DCDC1: variants seen among roughly 807,000 people sequenced by gnomAD.
DCDC1 encodes doublecortin domain containing 1, also known as doublecortin domain-containing protein 1.
Under a neutral mutation model 178.3 loss-of-function variants are expected in DCDC1, and 200 were observed. The observed-to-expected ratio is 1.12, with a 90% confidence interval of 1.00 to 1.26. The LOEUF (loss-of-function observed/expected upper bound fraction) is 1.26. DCDC1 is among the 50% of genes most tolerant of loss of function. The pLI is 0.00. For missense variants in DCDC1, 1,983 were observed against 1,749.2 expected (o/e 1.13, Z -2.38); for synonymous variants, 690 against 604.8 (o/e 1.14, Z -2.07).
chr11:30,900,396 T>C lies in DCDC1; in HGVS notation c.4613A>G (p.Asn1538Ser). The C allele has an allele frequency of 6.3e-7, 1 of 1,579,852 alleles. No individual in the cohort carries two copies. Among genetic ancestry groups the C allele is most frequent in the Non-Finnish European group, 8.6e-7 (1 of 1,162,270 alleles). ...DKSLLTLILRNPIAIWVSCGE... is the reference protein window; with the variant it reads ...DKSLLTLILRSPIAIWVSCGE... The stretch of plus-strand genomic sequence containing the variant: ...ACAAGACACCCAGATGGCAATAGGA[T>C]TTCTGAGGATGAGGGTAAGCAAAGA... The change falls in exon 33 of 39, where the codon AAT becomes AGT. Residue 1538 changes from asparagine (N) to serine (S), a missense_variant. By Grantham distance (46) the Asn-to-Ser change is conservative. Coordinates refer to ENST00000684477, the MANE Select transcript of DCDC1 (RefSeq NM_001387274.1).
At chr11:31,099,950 C>T (rs1321100091) in intron 15 of DCDC1, among the ~76,000 whole-genome samples, 1 of 152,048 alleles carries the variant, frequency 6.6e-6, no homozygotes, top group Non-Finnish European at 1.5e-5. Flanking sequence ...ATCTCCTGAC[C>T]TCCTGATCCG....
intron 13 of DCDC1, among the ~76,000 whole-genome samples, chr11:31,104,823 A>G (rs1029317936): frequency 6.6e-6 from 1 of 152,220 alleles, no homozygotes; most frequent in Non-Finnish European, 1.5e-5. Flanking sequence ...CAAATGTGGC[A>G]AACTCTTTAA....
rs564897740 is a variant in DCDC1 at position 31,366,368 on chromosome 11, T to C, written c.-125+3329A>G. On this transcript the variant is annotated intron_variant, in intron 1 of 38. Transcript: ENST00000684477. ...CAGAGAATGAGGCAAGATAGCTGGT[T>C]CTTAGTTTCTCTGGAGAGGTGTTCT... Among the ~76,000 whole-genome samples, 7 of 152,342 alleles carry C rather than the reference T, an allele frequency of 4.6e-5. No individual in the cohort carries two copies. The East Asian group carries it at 1.3e-3, about 29-fold the overall frequency.
chr11:31,096,655 C>G (rs944030963), intron 15 of DCDC1, among the ~76,000 whole-genome samples: 6 of 151,312 alleles, frequency 4.0e-5, no homozygotes, highest in Non-Finnish European at 8.8e-5. Flanking sequence ...CTACATAGAA[C>G]AGACACAGCA....
chr11:31,083,755 T>C (rs558380789), intron 17 of DCDC1, among the ~76,000 whole-genome samples: 3 of 152,342 alleles, frequency 2.0e-5, no homozygotes, highest in African/African-American at 7.2e-5. Flanking sequence ...ACAAAATCCA[T>C]GGGTTAACAG....
Position 31,037,428 on chromosome 11 carries a change from C to CTTTTTTTTTTTTTTTTT in DCDC1, c.2591+27040_2591+27041insAAAAAAAAAAAAAAAAA, listed in dbSNP as rs869310230. 4.5e-5 allele frequency among the ~76,000 whole-genome samples: 2 copies of CTTTTTTTTTTTTTTTTT among 44,876 alleles called. 1 individual carries two copies. 29.4% of individuals were successfully genotyped at this position (44,876 alleles called of 152,430 possible). On this transcript the variant is annotated intron_variant, in intron 20 of 38. Transcript: ENST00000684477. ...AAAATTGGCCTGCCTCTAAATATTT[C>CTTTTTTTTTTTTTTTTT]TTTCTTTTTTTTTTTTTTTTTTGAG...
At position 31,094,439 on chromosome 11, in the gene DCDC1, A is replaced by G. The variant is rs188744399; in HGVS notation, c.1984-255T>C. On this transcript the variant is annotated intron_variant, in intron 15 of 38. Coordinates refer to ENST00000684477, the MANE Select transcript of DCDC1 (RefSeq NM_001387274.1). ...TTCCTGACCCAAAGAAACATACAAC[A>G]GAGTAGAGGCAACTTCTCTCTCTCT... 2.0e-3 allele frequency among the ~76,000 whole-genome samples: 303 copies of G among 152,304 alleles called. 1 individual carries two copies. The highest frequency in any genetic ancestry group is 7.0e-3 in the African/African-American group (291 of 41,568).
chr11:31,365,636 G>A (rs1951920852), intron 1 of DCDC1, among the ~76,000 whole-genome samples: 1 of 152,048 alleles, frequency 6.6e-6, no homozygotes, highest in Admixed American at 6.6e-5. Context: ...TTTACGGGCA[G>A]GCGTGTACCA....
intron 20 of DCDC1, among the ~76,000 whole-genome samples, chr11:31,054,436 T>C (rs1309800486): frequency 6.6e-6 from 1 of 152,114 alleles, no homozygotes; most frequent in Non-Finnish European, 1.5e-5. Context: ...ACAAATTCAA[T>C]GCAATTCCCA....
intron 10 of DCDC1, 62 bp from the exon 11 acceptor site, chr11:31,127,701 G>T: frequency 3.0e-6 from 2 of 668,614 alleles, no homozygotes; most frequent in South Asian, 3.3e-5. Context: ...ACACCTATTA[G>T]ATTTTTGAGT....
intron 17 of DCDC1, among the ~76,000 whole-genome samples, chr11:31,087,947 C>A (rs289083): frequency 0.034 from 5,193 of 152,062 alleles, 283 homozygotes; most frequent in African/African-American, 0.12. Flanking sequence ...TTAGATGTTT[C>A]TCTTTTTCCT....
intron 7 of DCDC1, chr11:31,280,526 T>C: frequency 4.1e-6 from 1 of 245,536 alleles, no homozygotes; most frequent in Non-Finnish European, 8.0e-6. Flanking sequence ...TAGTCTTAGT[T>C]TTAAATCAGG....
At chr11:30,921,501 T>G (rs1344716576) in intron 24 of DCDC1, among the ~76,000 whole-genome samples, 1 of 152,226 alleles carries the variant, frequency 6.6e-6, no homozygotes, top group Non-Finnish European at 1.5e-5. Flanking sequence ...TCAAACAGCA[T>G]ACTGCCATCG....
intron 28 of DCDC1, 39 bp from the exon 29 acceptor site, chr11:30,909,155 TG>T (rs774397087): frequency 6.4e-7 from 1 of 1,573,462 alleles, no homozygotes; most frequent in East Asian, 2.3e-5. Context: ...AGTGAGTTCA[TG>T]TGAGGGTTAT....
At chr11:31,333,270 G>C (rs1465123871) in intron 2 of DCDC1, among the ~76,000 whole-genome samples, 1 of 152,082 alleles carries the variant, frequency 6.6e-6, no homozygotes, top group Non-Finnish European at 1.5e-5. Flanking sequence ...TTGAGCCTAT[G>C]TGTGTCTCTC....
chr11:31,299,294 A>T (rs1207325534), intron 6 of DCDC1, among the ~76,000 whole-genome samples: 1 of 151,744 alleles, frequency 6.6e-6, no homozygotes, highest in East Asian at 1.9e-4. Context: ...AGTCTGACAT[A>T]TCATTTGAAG....
At chr11:31,070,973 G>A (rs1319751977) in intron 18 of DCDC1, among the ~76,000 whole-genome samples, 2 of 152,068 alleles carry the variant, frequency 1.3e-5, no homozygotes, top group Non-Finnish European at 2.9e-5. Context: ...TTTTTGAAGA[G>A]GGTCTCTTTT....
chr11:30,908,827 A>C (rs175399), intron 29 of DCDC1, 119 bp downstream of exon 29: 528,750 of 802,188 alleles, frequency 0.66, 176,477 homozygotes, highest in Middle Eastern at 0.77. Context: ...TTCACTCAAA[A>C]ATCAGCATTC....
At chr11:30,911,230 T>A in intron 28 of DCDC1, 97 bp downstream of exon 28, 1 of 945,844 alleles carries the variant, frequency 1.1e-6, no homozygotes, top group South Asian at 1.5e-5. Flanking sequence ...TAGGATTCTA[T>A]GACAGTTTTT....
Sources: allele counts gnomAD v4.1 joint callset (sites outside exome capture counted in the v4.1 genomes callset), GRCh38; gene constraint gnomAD v4.1.1; transcripts MANE v1.5; gene names NCBI Gene and HGNC (gene_info 2026-07-23, HGNC 2026-07-21).